The following IQSEC3 variants were observed in gnomAD, a reference collection of about 807,000 sequenced individuals.
IQSEC3 encodes IQ motif and Sec7 domain ArfGEF 3.
In IQSEC3, 50 loss-of-function variants were observed where a neutral mutation model predicts 105.4. That is an observed-to-expected ratio of 0.47 (90% confidence interval 0.38 to 0.60). The LOEUF (loss-of-function observed/expected upper bound fraction) is 0.60. Ranked by LOEUF, IQSEC3 falls within the 20% of genes least tolerant of loss-of-function variation. The pLI, the probability that IQSEC3 is intolerant of heterozygous loss-of-function variation, is 0.00. For synonymous variants in IQSEC3, 708 were observed against 746.0 expected (o/e 0.95, Z 0.83); for missense variants, 1,415 against 1,630.0 (o/e 0.87, Z 2.27).
chr12:164,247 T>G (rs782558919), intron 9 of IQSEC3, among the ~76,000 whole-genome samples: 1 of 152,100 alleles, frequency 6.6e-6, no homozygotes, highest in Non-Finnish European at 1.5e-5. Flanking sequence ...GCCTCCAAAG[T>G]GATCACAAGC....
intron 2 of IQSEC3, among the ~76,000 whole-genome samples, chr12:115,138 C>T (rs896305442): frequency 2.0e-5 from 3 of 152,218 alleles, no homozygotes; most frequent in Admixed American, 1.3e-4. Context: ...TCCTACCCTA[C>T]TGGTAATTCT....
At chr12:151,746 T>C (rs1209778891) in intron 5 of IQSEC3, among the ~76,000 whole-genome samples, 2 of 152,276 alleles carry the variant, frequency 1.3e-5, no homozygotes, top group East Asian at 3.9e-4. Context: ...TCCCTGTTAC[T>C]GTCTGCACTG....
rs576560314 is a variant in IQSEC3, at chr12:139,313, G to A, written c.1950G>A (p.Leu650=). The change falls in exon 4 of 14, where the codon CTG becomes CTA. Residue 650 remains leucine, a synonymous_variant. Coordinates refer to ENST00000538872, the MANE Select transcript of IQSEC3 (RefSeq NM_001170738.2). The part of the protein sequence containing the change: ...CKSPTLSTDT[L]RKRLYRIGLN... Reference sequence around the variant, plus strand: ...CGCCCACGCTCTCCACCGACACCCTGCGCAAGCGGCTCTACCGCATCGGCC... The same window carrying A: ...CGCCCACGCTCTCCACCGACACCCTACGCAAGCGGCTCTACCGCATCGGCC... 10 of 1,596,168 alleles carry A rather than the reference G, an allele frequency of 6.3e-6. No individual in the cohort carries two copies. The highest frequency in any genetic ancestry group is 2.7e-5 in the African/African-American group (2 of 74,160).
At chr12:77,266 C>G (rs1237966911) in intron 1 of IQSEC3, 1 of 156,342 alleles carries the variant, frequency 6.4e-6, no homozygotes, top group Non-Finnish European at 1.4e-5. Flanking sequence ...TGGGCAGCAC[C>G]AGGGAGGAAT....
chr12:167,585 A>AAAG (rs1373401006), intron 11 of IQSEC3: 1 of 152,166 alleles, frequency 6.6e-6, no homozygotes, highest in Non-Finnish European at 1.5e-5. Flanking sequence ...GGAAAAAAAA[A>AAAG]AAAAAGAAAA....
At chr12:69,273 A>G (rs1206655975) in intron 1 of IQSEC3, among the ~76,000 whole-genome samples, 3 of 152,266 alleles carry the variant, frequency 2.0e-5, no homozygotes, top group African/African-American at 7.2e-5. Flanking sequence ...TATTTTTCTT[A>G]GACAAAGACA....
rs2137080573 is a variant in IQSEC3, at chr12:177,043, G to A, written c.*2010G>A. On this transcript the variant is annotated 3_prime_UTR_variant, in exon 14 of 14. Coordinates refer to ENST00000538872, the MANE Select transcript of IQSEC3 (RefSeq NM_001170738.2). This position sits in a 1 kb window ranked among gnomAD's most constrained non-coding sequence, Gnocchi z 5.3. ...AAGAGGCAGGGAGTGCGAGGTATGG[G>A]GGAATAGGAACTATGAGCTAAATAT... is the stretch of plus-strand genomic sequence containing the variant. 6.6e-6 allele frequency: 1 copy of A among 152,380 alleles called. No individual in the cohort carries two copies. Among genetic ancestry groups the A allele is most frequent in the Non-Finnish European group, 1.5e-5 (1 of 68,076 alleles). The allele number at this position is 152,380 out of a possible 1,614,324, so 9.4% of individuals were successfully genotyped here.
chr12:139,169 G>C lies in IQSEC3; in HGVS notation c.1806G>C (p.Thr602=), dbSNP rs1555088228. The C allele has an allele frequency of 6.3e-7, 1 of 1,575,342 alleles. No homozygotes were observed. The highest frequency in any genetic ancestry group is 8.6e-7 in the Non-Finnish European group (1 of 1,162,576). The change falls in exon 4 of 14, where the codon ACG becomes ACC. Residue 602 remains threonine (T), a synonymous_variant. Coordinates refer to ENST00000538872, the MANE Select transcript of IQSEC3 (RefSeq NM_001170738.2). ...TGGAGCAGCTGAGCAGCAGCAGCAC[G>C]TCCACCAAGTCCGCCAAGTCAGGCT... The part of the protein sequence containing the change: ...GDLEQLSSSS[T]STKSAKSGSE...
intron 3 of IQSEC3, among the ~76,000 whole-genome samples, chr12:135,033 G>A (rs1865717353): frequency 6.6e-6 from 1 of 152,262 alleles, no homozygotes; most frequent in African/African-American, 2.4e-5. Context: ...AGGAGGCTGA[G>A]GCAGGAGAAT....
intron 2 of IQSEC3, among the ~76,000 whole-genome samples, chr12:121,119 T>C (rs1865205115): frequency 6.6e-6 from 1 of 152,080 alleles, no homozygotes; most frequent in Admixed American, 6.6e-5. Flanking sequence ...ATACTTCCTG[T>C]CGAAGGGCCA....
Position 139,252 on chromosome 12 carries a change from C to G in IQSEC3, c.1889C>G (p.Pro630Arg), listed in dbSNP as rs1555088342. Residue 630 changes from proline (P) to arginine (R), a missense_variant, in exon 4 of 14, where the codon CCG becomes CGG. By Grantham distance (103) the Pro-to-Arg change is moderately radical. Transcript: ENST00000538872. ...CTGCAGGCCATGATCCTGAGCCTGCCGCGCTACCACTGCGAGAACCCAGCC... is the reference window on the plus strand; with the variant it reads ...CTGCAGGCCATGATCCTGAGCCTGCGGCGCTACCACTGCGAGAACCCAGCC... ...DALQAMILSL[P>R]RYHCENPASC... 3.1e-6 allele frequency: 5 copies of G among 1,609,468 alleles called. No individual in the cohort carries two copies. The highest frequency in any genetic ancestry group is 3.4e-6 in the Non-Finnish European group (4 of 1,178,512).
At chr12:123,225 T>C (rs1555082286) in intron 2 of IQSEC3, among the ~76,000 whole-genome samples, 1 of 152,106 alleles carries the variant, frequency 6.6e-6, no homozygotes, top group Non-Finnish European at 1.5e-5. Context: ...GGCAACATAG[T>C]GGGACCCTGT....
chr12:129,380 A>C (rs1198529665), intron 3 of IQSEC3, among the ~76,000 whole-genome samples: 2 of 152,218 alleles, frequency 1.3e-5, no homozygotes, highest in Non-Finnish European at 2.9e-5. Flanking sequence ...GAATGAAGGC[A>C]CAAGTGAATG....
At chr12:84,868 G>T (rs1375502851) in intron 1 of IQSEC3, among the ~76,000 whole-genome samples, 1 of 152,148 alleles carries the variant, frequency 6.6e-6, no homozygotes, top group African/African-American at 2.4e-5. Context: ...TGAAGGGCAA[G>T]ATCAAGGCTC....
chr12:98,431 C>T (rs1438810453), intron 1 of IQSEC3, among the ~76,000 whole-genome samples: 6 of 152,024 alleles, frequency 3.9e-5, no homozygotes, highest in African/African-American at 1.4e-4. Flanking sequence ...TTAAAAATTT[C>T]CTCATGATTC....
intron 1 of IQSEC3, among the ~76,000 whole-genome samples, chr12:94,224 C>T (rs1864178389): frequency 6.6e-6 from 1 of 152,202 alleles, no homozygotes; most frequent in Non-Finnish European, 1.5e-5. Flanking sequence ...GGTAAATGAA[C>T]ACATGAATGC....
chr12:124,001 C>T (rs1384143272), intron 2 of IQSEC3, among the ~76,000 whole-genome samples: 2 of 152,138 alleles, frequency 1.3e-5, no homozygotes, highest in Non-Finnish European at 2.9e-5. Context: ...TGACTAAGCA[C>T]TCAGCATTTG....
At chr12:115,008 G>T (rs1202564918) in intron 2 of IQSEC3, among the ~76,000 whole-genome samples, 1 of 152,240 alleles carries the variant, frequency 6.6e-6, no homozygotes, top group Non-Finnish European at 1.5e-5. Context: ...CAGCATGAAA[G>T]CCTGGAGCTA....
At chr12:157,495 T>G in intron 6 of IQSEC3, 33 bp from the exon 7 acceptor site, 5 of 1,591,302 alleles carry the variant, frequency 3.1e-6, no homozygotes, top group Non-Finnish European at 4.3e-6. Flanking sequence ...GGGCGGGGGC[T>G]CAGCGTCCGC....
Sources: gnomAD v4.1 joint callset for allele counts (sites outside exome capture counted in the v4.1 genomes callset) on GRCh38, gnomAD v4.1.1 for gene constraint, Gnocchi (gnomAD v3.1) non-coding constraint, MANE v1.5 for transcripts, NCBI Gene and HGNC (gene_info 2026-07-23, HGNC 2026-07-21) for gene names.